Variants in MAGI1 observed in about 807,000 individuals in gnomAD.
The protein encoded by MAGI1 is membrane associated guanylate kinase, WW and PDZ domain containing 1, also known as membrane-associated guanylate kinase, WW and PDZ domain-containing protein 1.
Under a neutral mutation model 139.9 loss-of-function variants are expected in MAGI1, and 58 were observed. The observed-to-expected ratio is 0.41, with a 90% CI of 0.34 to 0.52. MAGI1 has a LOEUF of 0.52. Among genes scored for constraint, MAGI1 ranks in the 20% least tolerant of loss-of-function variants. The probability of loss-of-function intolerance (pLI) is 0.12; values close to 1 mark genes in which losing one functional copy is unlikely to be tolerated. For synonymous variants in MAGI1, 812 were observed against 737.9 expected (o/e 1.10, Z -1.63); for missense variants, 1,874 against 1,901.6 (o/e 0.99, Z 0.27).
intron 1 of MAGI1, among the ~76,000 whole-genome samples, chr3:65,774,549 T>C (rs1283763009): frequency 6.6e-6 from 1 of 152,208 alleles, no homozygotes; most frequent in African/African-American, 2.4e-5. Flanking sequence ...CTTATAATCC[T>C]GTTGGCTTGT....
chr3:65,529,520 T>G (rs763046957), intron 2 of MAGI1, among the ~76,000 whole-genome samples: 2 of 152,224 alleles, frequency 1.3e-5, no homozygotes, highest in Non-Finnish European at 1.5e-5. Context: ...GCATGTAATG[T>G]GGCATGTATC....
intron 1 of MAGI1, among the ~76,000 whole-genome samples, chr3:65,814,474 A>G (rs980286906): frequency 5.3e-5 from 8 of 152,206 alleles, no homozygotes; most frequent in Non-Finnish European, 7.3e-5. Context: ...CCTGACTTTC[A>G]TGGAAGGCAT....
chr3:65,528,829 T>C (rs956222590), intron 2 of MAGI1, among the ~76,000 whole-genome samples: 5 of 152,204 alleles, frequency 3.3e-5, no homozygotes, highest in African/African-American at 1.2e-4. Flanking sequence ...GAGGATTGCT[T>C]GAGCCCAGAA....
At chr3:65,408,974 T>G (rs1329956421) in intron 12 of MAGI1, among the ~76,000 whole-genome samples, 1 of 152,194 alleles carries the variant, frequency 6.6e-6, no homozygotes, top group African/African-American at 2.4e-5. Flanking sequence ...AGTGGTAACT[T>G]CTGTGATGAA....
At chr3:66,003,044 T>C (rs1159133075) in intron 1 of MAGI1, among the ~76,000 whole-genome samples, 1 of 151,974 alleles carries the variant, frequency 6.6e-6, no homozygotes, top group African/African-American at 2.4e-5. Flanking sequence ...TAGTCATGTA[T>C]TTAGGCAAAA....
intron 1 of MAGI1, among the ~76,000 whole-genome samples, chr3:65,901,754 C>T (rs1313730251): frequency 6.6e-6 from 1 of 152,170 alleles, no homozygotes; most frequent in Admixed American, 6.5e-5. Context: ...TAGACTAATT[C>T]TACTGTTCTC....
At chr3:65,529,966 A>G (rs1364245635) in intron 2 of MAGI1, among the ~76,000 whole-genome samples, 1 of 152,138 alleles carries the variant, frequency 6.6e-6, no homozygotes, top group African/African-American at 2.4e-5. Flanking sequence ...CACATTTGGA[A>G]TGTCTTAAAT....
intron 1 of MAGI1, among the ~76,000 whole-genome samples, chr3:65,953,456 A>G (rs2063962610): frequency 6.6e-6 from 1 of 152,208 alleles, no homozygotes; most frequent in Non-Finnish European, 1.5e-5. Flanking sequence ...GAGAGCGATT[A>G]CACACATACT....
intron 1 of MAGI1, among the ~76,000 whole-genome samples, chr3:65,646,552 C>A (rs1416157006): frequency 6.6e-6 from 1 of 151,988 alleles, no homozygotes; most frequent in Non-Finnish European, 1.5e-5. Context: ...ACAACAGGAT[C>A]CAAAAGACAT....
rs180730903 is a variant in MAGI1 at position 66,017,274 on chromosome 3, C to T, written c.313+20722G>A. Among the ~76,000 whole-genome samples, 66 of 152,344 alleles carry T rather than the reference C, an allele frequency of 4.3e-4. 1 individual carries two copies. The highest frequency in any genetic ancestry group is 1.9e-4 in the East Asian group (1 of 5,164). ...AGACGCAAGCACTTGTGTCTCAACACGCGCAGGGCGCGGCTGCAGATGGAA... is the reference window on the plus strand; with the variant it reads ...AGACGCAAGCACTTGTGTCTCAACATGCGCAGGGCGCGGCTGCAGATGGAA... On this transcript the variant is annotated intron_variant, in intron 1 of 22. Coordinates refer to ENST00000402939, the MANE Select transcript of MAGI1 (RefSeq NM_001033057.2).
intron 1 of MAGI1, among the ~76,000 whole-genome samples, chr3:65,712,176 C>A (rs1190258077): frequency 2.0e-5 from 3 of 151,990 alleles, no homozygotes; most frequent in Non-Finnish European, 4.4e-5. Flanking sequence ...TAGACTTGAC[C>A]CACAGAATAT....
chr3:65,835,668 T>G (rs529742909), intron 1 of MAGI1, among the ~76,000 whole-genome samples: 1 of 152,220 alleles, frequency 6.6e-6, no homozygotes, highest in African/African-American at 2.4e-5. Context: ...CAGATAATAT[T>G]TGCACTAATA....
intron 14 of MAGI1, among the ~76,000 whole-genome samples, chr3:65,384,369 T>G (rs1253377304): frequency 6.6e-6 from 1 of 152,206 alleles, no homozygotes; most frequent in East Asian, 1.9e-4. Context: ...CGTTATTCCC[T>G]AAGTAATACA....
intron 1 of MAGI1, among the ~76,000 whole-genome samples, chr3:65,772,349 C>A (rs1398666677): frequency 2.0e-5 from 3 of 152,184 alleles, no homozygotes; most frequent in Non-Finnish European, 4.4e-5. Context: ...AAAAGCCATT[C>A]CTTCTTTGTC....
chr3:65,785,274 A>C (rs114846626), intron 1 of MAGI1, among the ~76,000 whole-genome samples: 315 of 152,328 alleles, frequency 2.1e-3, no homozygotes, highest in Non-Finnish European at 3.2e-3. Flanking sequence ...CTTTCCTCAC[A>C]GCTACAGAAA....
chr3:65,783,123 C>G (rs1283769466), intron 1 of MAGI1, among the ~76,000 whole-genome samples: 2 of 151,654 alleles, frequency 1.3e-5, no homozygotes, highest in Admixed American at 6.6e-5. Context: ...ATTTACAAAT[C>G]ACATATCTAA....
intron 1 of MAGI1, among the ~76,000 whole-genome samples, chr3:65,894,693 T>C (rs1420091630): frequency 2.0e-5 from 3 of 152,098 alleles, no homozygotes; most frequent in Non-Finnish European, 4.4e-5. Context: ...TCCAATTAAG[T>C]CTAAATAGGA....
intron 1 of MAGI1, among the ~76,000 whole-genome samples, chr3:65,811,926 A>C (rs942996534): frequency 1.1e-4 from 5 of 46,482 alleles, no homozygotes; most frequent in African/African-American, 4.4e-4. Flanking sequence ...TTGTATGTTT[A>C]CGTGTGTGTG....
chr3:65,865,843 T>C (rs1462801690), intron 1 of MAGI1, among the ~76,000 whole-genome samples: 2 of 152,154 alleles, frequency 1.3e-5, no homozygotes, highest in African/African-American at 4.8e-5. Flanking sequence ...TTTCACCATG[T>C]TGGCCAGGCT....
Sources: allele counts gnomAD v4.1 joint callset (sites outside exome capture counted in the v4.1 genomes callset), GRCh38; gene constraint gnomAD v4.1.1; transcripts MANE v1.5; gene names NCBI Gene and HGNC (gene_info 2026-07-23, HGNC 2026-07-21).